The following SH3D19 variants were observed in gnomAD, a reference collection of about 807,000 sequenced individuals.
The protein encoded by SH3D19 is SH3 domain-containing protein 19.
A neutral mutation model predicts 112.1 loss-of-function variants in SH3D19; 58 were observed. That is an observed-to-expected ratio of 0.52 (90% CI 0.42 to 0.64). The LOEUF is 0.64. Among genes scored for constraint, SH3D19 ranks in the 30% least tolerant of loss-of-function variants. The pLI, the probability that SH3D19 is intolerant of heterozygous loss-of-function variation, is 0.00. For missense variants in SH3D19, 1,090 were observed against 1,263.4 expected (o/e 0.86, Z 2.08); for synonymous variants, 391 against 448.5 (o/e 0.87, Z 1.62).
At chr4:151,141,462 A>G (rs2149761433) in intron 12 of SH3D19, among the ~76,000 whole-genome samples, 1 of 152,270 alleles carries the variant, frequency 6.6e-6, no homozygotes, top group Middle Eastern at 3.4e-3. Flanking sequence ...CATGGACAAC[A>G]TAAGAAATGC....
At chr4:151,267,398 A>C (rs78602234) in intron 1 of SH3D19, among the ~76,000 whole-genome samples, 2 of 151,850 alleles carry the variant, frequency 1.3e-5, no homozygotes, top group Non-Finnish European at 1.5e-5. Context: ...TTGGAAAGCT[A>C]TAAGGTTTTT....
At chr4:151,211,637 A>G (rs1475603859) in intron 2 of SH3D19, among the ~76,000 whole-genome samples, 1 of 152,144 alleles carries the variant, frequency 6.6e-6, no homozygotes, top group East Asian at 1.9e-4. Flanking sequence ...GACCACATGA[A>G]TGATAAGAAA....
Position 151,176,862 on chromosome 4 carries a change from T to A in SH3D19, c.330A>T (p.Ser110=). ...TPPPGLGFPT[S]SAAGSWRPNE... is the part of the protein sequence containing the mutation. Reference sequence around the variant, plus strand: ...TAGGCCTCCAAGAGCCTGCTGCAGATGATGTAGGAAATCCCAGTCCTGGGG... The same window carrying A: ...TAGGCCTCCAAGAGCCTGCTGCAGAAGATGTAGGAAATCCCAGTCCTGGGG... The change falls in exon 5 of 20, where the codon TCA becomes TCT. Residue 110 remains serine (S), a synonymous_variant. Coordinates refer to ENST00000604030, the MANE Select transcript of SH3D19 (RefSeq NM_001378122.1). 1.6e-6 allele frequency: 2 copies of A among 1,232,142 alleles called. No homozygotes were observed. Among genetic ancestry groups the A allele is most frequent in the Non-Finnish European group, 2.0e-6 (2 of 987,958 alleles). 76.3% of individuals were successfully genotyped at this position (1,232,142 alleles called of 1,614,324 possible). A position where few individuals can be genotyped will look rare whatever the true frequency, so the allele number is the denominator to read the frequency against.
chr4:151,176,616 A>G lies in SH3D19; in HGVS notation c.447T>C (p.Asn149=). 8.1e-7 allele frequency: 1 copy of G among 1,231,574 alleles called. No individual in the cohort carries two copies. Among genetic ancestry groups the G allele is most frequent in the Non-Finnish European group, 1.0e-6 (1 of 987,432 alleles). 76.3% of individuals were successfully genotyped at this position (1,231,574 alleles called of 1,614,324 possible). ...TAGTGTGCCTTGGAGTAGCAGCAGC[A>G]TTATTATTATTTGTAGTATTAACTT... is the stretch of plus-strand genomic sequence containing the variant. ...QVQVNTTNNN[N]AAATPRHTIT... Residue 149 remains asparagine (N), a synonymous_variant, in exon 6 of 20, where the codon AAT becomes AAC. Transcript: ENST00000604030.
intron 9 of SH3D19, among the ~76,000 whole-genome samples, chr4:151,151,904 GAT>G (rs1391955203): frequency 1.3e-5 from 2 of 152,138 alleles, no homozygotes; most frequent in Non-Finnish European, 2.9e-5. Context: ...TTAAAAAATA[GAT>G]ATATAAATTT....
intron 7 of SH3D19, among the ~76,000 whole-genome samples, chr4:151,170,349 A>G (rs190453808): frequency 2.5e-4 from 38 of 152,326 alleles, no homozygotes; most frequent in African/African-American, 8.2e-4. Flanking sequence ...TGCCAAACAA[A>G]CCAGAACAAA....
At chr4:151,139,725 A>T in intron 13 of SH3D19, 50 bp downstream of exon 13, 1 of 1,551,666 alleles carries the variant, frequency 6.4e-7, no homozygotes, top group Non-Finnish European at 8.9e-7. Flanking sequence ...AGGGAAAAAG[A>T]CTTACTCCTG....
At chr4:151,226,331 C>T (rs2149949341) in intron 1 of SH3D19, 1 of 1,157,914 alleles carries the variant, frequency 8.6e-7, no homozygotes, top group Non-Finnish European at 1.1e-6. Context: ...TCATTACATG[C>T]ATTATTTCAT....
chr4:151,198,731 A>C (rs1258670556), intron 2 of SH3D19, among the ~76,000 whole-genome samples: 6 of 152,110 alleles, frequency 3.9e-5, no homozygotes, highest in Non-Finnish European at 8.8e-5. Context: ...AAAATGCATA[A>C]ATTATTTAAT....
At chr4:151,127,228 C>T (rs1749607339) in intron 19 of SH3D19, among the ~76,000 whole-genome samples, 1 of 152,174 alleles carries the variant, frequency 6.6e-6, no homozygotes, top group South Asian at 2.1e-4. Flanking sequence ...GTAGCAGGTG[C>T]TATCTGATTC....
chr4:151,317,554 G>A (rs1020143914), intron 1 of SH3D19, among the ~76,000 whole-genome samples: 1 of 152,194 alleles, frequency 6.6e-6, no homozygotes, highest in Non-Finnish European at 1.5e-5. Flanking sequence ...AAAGAAAACA[G>A]AACGAAGGGA....
In SH3D19 at chr4:151,139,791, A is replaced by T; in HGVS notation, c.2280T>A (p.Leu760=). 6.2e-7 allele frequency: 1 copy of T among 1,614,164 alleles called. No homozygotes were observed. The highest frequency in any genetic ancestry group is 8.5e-7 in the Non-Finnish European group (1 of 1,180,008). Residue 760 remains leucine, a synonymous_variant, in exon 13 of 20, where the codon CTT becomes CTA. Transcript: ENST00000604030. ...CATCCTTACCTGCTGGGAAATCATG[A>T]AGAACGACAGCATGAGGAGCACCAC... ...VDSGAPHAVV[L]HDFPAEQVDD...
At chr4:151,287,180 A>C (rs1432847209) in intron 1 of SH3D19, among the ~76,000 whole-genome samples, 1 of 151,516 alleles carries the variant, frequency 6.6e-6, no homozygotes, top group Non-Finnish European at 1.5e-5. Flanking sequence ...GTCTCTATTA[A>C]AAATACAAAA....
intron 1 of SH3D19, among the ~76,000 whole-genome samples, chr4:151,235,571 G>A (rs1769975408): frequency 1.3e-5 from 2 of 152,160 alleles, no homozygotes; most frequent in South Asian, 4.1e-4. Flanking sequence ...AATCACATGA[G>A]GCCAGGAATT....
intron 1 of SH3D19, among the ~76,000 whole-genome samples, chr4:151,321,486 T>A (rs1442582033): frequency 6.6e-6 from 1 of 152,064 alleles, no homozygotes; most frequent in African/African-American, 2.4e-5. Flanking sequence ...TGATCATAAA[T>A]GCCAGGCTGT....
chr4:151,251,722 C>T (rs76491484), intron 1 of SH3D19, among the ~76,000 whole-genome samples: 2,739 of 152,264 alleles, frequency 0.018, 41 homozygotes, highest in Middle Eastern at 0.037. Flanking sequence ...CTGCTTGCAG[C>T]CAACTCTCTG....
intron 1 of SH3D19, 68 bp downstream of exon 1, chr4:151,325,173 G>A: frequency 1.1e-6 from 1 of 880,912 alleles, no homozygotes; most frequent in Non-Finnish European, 1.5e-6. Flanking sequence ...GCTGTGTGGG[G>A]CAGGACCCGA....
At chr4:151,221,564 G>A (rs923034932) in intron 2 of SH3D19, among the ~76,000 whole-genome samples, 1 of 152,168 alleles carries the variant, frequency 6.6e-6, no homozygotes, top group African/African-American at 2.4e-5. Context: ...ATAGTCGTGG[G>A]CGAGCTTTTG....
intron 7 of SH3D19, among the ~76,000 whole-genome samples, chr4:151,172,108 G>A (rs543249586): frequency 3.7e-4 from 56 of 152,190 alleles, no homozygotes; most frequent in African/African-American, 1.3e-3. Flanking sequence ...AGAGTTATTT[G>A]TAAGTTTCTC....
Sources: gnomAD v4.1 joint callset for allele counts (sites outside exome capture counted in the v4.1 genomes callset) on GRCh38, gnomAD v4.1.1 for gene constraint, MANE v1.5 for transcripts, NCBI Gene and HGNC (gene_info 2026-07-23, HGNC 2026-07-21) for gene names.